The following TAFA1 variants were observed in gnomAD, a reference collection of about 807,000 sequenced individuals.
The protein encoded by TAFA1 is TAFA chemokine like family member 1.
A neutral mutation model predicts 18.5 loss-of-function variants in TAFA1; 4 were observed. That is an observed-to-expected ratio of 0.22 (90% CI 0.11 to 0.49). TAFA1 has a LOEUF of 0.49. Ranked by LOEUF, TAFA1 falls within the 20% of genes least tolerant of loss-of-function variation. The probability of loss-of-function intolerance (pLI) is 0.98; values close to 1 mark genes in which losing one functional copy is unlikely to be tolerated. For missense variants in TAFA1, 147 were observed against 169.0 expected, an observed-to-expected ratio of 0.87 and a Z score of 0.72; for synonymous variants, 56 against 55.2, an observed-to-expected ratio of 1.01 and a Z score of -0.06.
chr3:68,058,283 G>T (rs949264163), intron 2 of TAFA1, among the ~76,000 whole-genome samples: 2 of 152,188 alleles, frequency 1.3e-5, no homozygotes, highest in Non-Finnish European at 2.9e-5. Flanking sequence ...ATCTTATATT[G>T]TTGTTATAAG....
At chr3:68,076,465 AC>A (rs1250494901) in intron 2 of TAFA1, among the ~76,000 whole-genome samples, 1 of 24,010 alleles carries the variant, frequency 4.2e-5, no homozygotes, top group East Asian at 1.6e-3. Flanking sequence ...CCCTCCCCCC[AC>A]CCCCCACCAG....
At chr3:67,999,125 T>G in the TAFA1 span, among the ~76,000 whole-genome samples, 1 of 152,220 alleles carries the variant, frequency 6.6e-6, no homozygotes, top group Non-Finnish European at 1.5e-5. Flanking sequence ...AAATAGTTTC[T>G]TGGTTGCACT....
chr3:68,073,997 A>T lies in TAFA1; in HGVS notation c.118+67253A>T, dbSNP rs2064791617. 2.0e-5 allele frequency among the ~76,000 whole-genome samples: 3 copies of T among 152,154 alleles called. No individual in the cohort carries two copies. In the South Asian group the frequency reaches 6.2e-4, roughly 32 times the overall value. ...TATTATTACATTATAATGTATAATG[A>T]ATAATTATTAACTCACCATAATGTG... On this transcript the variant is annotated intron_variant, in intron 2 of 4. Coordinates refer to ENST00000478136, the MANE Select transcript of TAFA1 (RefSeq NM_213609.4).
At chr3:68,487,189 C>G (rs1456480143) in intron 3 of TAFA1, among the ~76,000 whole-genome samples, 1 of 152,158 alleles carries the variant, frequency 6.6e-6, no homozygotes, top group East Asian at 1.9e-4. Flanking sequence ...ATTATAATGT[C>G]AGGGAAGCTT....
chr3:68,440,200 G>T (rs1201516038), intron 3 of TAFA1, among the ~76,000 whole-genome samples: 1 of 152,090 alleles, frequency 6.6e-6, no homozygotes, highest in Non-Finnish European at 1.5e-5. Flanking sequence ...TTTAAAAACA[G>T]AAGTTTCCCT....
At chr3:68,524,781 C>T (rs1203623465) in intron 3 of TAFA1, among the ~76,000 whole-genome samples, 1 of 152,096 alleles carries the variant, frequency 6.6e-6, no homozygotes, top group African/African-American at 2.4e-5. Flanking sequence ...CACCATTCTC[C>T]TGCCTCAGCC....
At chr3:68,295,904 T>A (rs916296825) in intron 2 of TAFA1, among the ~76,000 whole-genome samples, 1 of 152,164 alleles carries the variant, frequency 6.6e-6, no homozygotes, top group Admixed American at 6.6e-5. Flanking sequence ...GCCTTCTGAG[T>A]AGCTGAGACC....
chr3:68,117,291 T>A (rs2065336010), intron 2 of TAFA1, among the ~76,000 whole-genome samples: 2 of 152,170 alleles, frequency 1.3e-5, no homozygotes, highest in African/African-American at 4.8e-5. Context: ...GCAAAACTTC[T>A]CAGGAGCACA....
chr3:68,037,562 A>G (rs1705078740), intron 2 of TAFA1, among the ~76,000 whole-genome samples: 1 of 152,202 alleles, frequency 6.6e-6, no homozygotes, highest in Non-Finnish European at 1.5e-5. Context: ...TTTACTCAAT[A>G]AAGTAGGCAA....
At chr3:68,511,686 A>T (rs2072848134) in intron 3 of TAFA1, among the ~76,000 whole-genome samples, 4 of 152,026 alleles carry the variant, frequency 2.6e-5, no homozygotes, top group Admixed American at 6.6e-5. Flanking sequence ...ATGATAGTTG[A>T]ATGTTTTCCT....
At chr3:68,252,088 T>C (rs2067207238) in intron 2 of TAFA1, among the ~76,000 whole-genome samples, 1 of 152,198 alleles carries the variant, frequency 6.6e-6, no homozygotes. Context: ...CTTTGAGATC[T>C]CTTCACTCAT....
intron 2 of TAFA1, among the ~76,000 whole-genome samples, chr3:68,317,151 C>T (rs971477780): frequency 2.0e-5 from 3 of 152,106 alleles, no homozygotes; most frequent in Admixed American, 6.6e-5. Context: ...AAAAGAGTTC[C>T]AATGCGTCAT....
At chr3:68,441,916 C>G (rs1262976829) in intron 3 of TAFA1, among the ~76,000 whole-genome samples, 4 of 152,178 alleles carry the variant, frequency 2.6e-5, no homozygotes, top group African/African-American at 7.2e-5. Flanking sequence ...GTGGGCAGAA[C>G]TTTGAGCAGT....
intron 3 of TAFA1, among the ~76,000 whole-genome samples, chr3:68,419,195 C>T (rs1229631126): frequency 6.6e-6 from 1 of 152,086 alleles, no homozygotes; most frequent in African/African-American, 2.4e-5. Context: ...TTTTTATTTC[C>T]ACAATATCCT....
At chr3:68,533,853 TG>T (rs1301413528) in intron 3 of TAFA1, among the ~76,000 whole-genome samples, 9 of 152,134 alleles carry the variant, frequency 5.9e-5, no homozygotes, top group Admixed American at 4.6e-4. Flanking sequence ...CTTTTCCCTT[TG>T]GCATAGTGAG....
At chr3:68,088,392 A>G (rs376706052) in intron 2 of TAFA1, among the ~76,000 whole-genome samples, 1 of 152,170 alleles carries the variant, frequency 6.6e-6, no homozygotes, top group Non-Finnish European at 1.5e-5. Context: ...AGGTGGAAAC[A>G]GTGTGACATC....
rs181006361 is a variant in TAFA1, at chr3:68,421,989, G to A, written c.259+4569G>A. Among the ~76,000 whole-genome samples the A allele has an allele frequency of 2.5e-3, 385 of 152,138 alleles. 3 individuals are homozygous for A. Among genetic ancestry groups the A allele is most frequent in the African/African-American group, 8.3e-3 (344 of 41,528 alleles). On this transcript the variant is annotated intron_variant, in intron 3 of 4. Coordinates refer to ENST00000478136, the MANE Select transcript of TAFA1 (RefSeq NM_213609.4). ...TAATAGGAATTTTGAAAATTTCAGA[G>A]ATACATCCATGCACTAAAATCACCC...
At chr3:68,051,588 C>T (rs908940968) in intron 2 of TAFA1, among the ~76,000 whole-genome samples, 11 of 152,010 alleles carry the variant, frequency 7.2e-5, no homozygotes, top group Admixed American at 4.6e-4. Context: ...TTACCTGGCT[C>T]GAAATGACAT....
rs551847256 is a variant in TAFA1 at position 68,525,293 on chromosome 3, A to G, written c.260-13463A>G. Among the ~76,000 whole-genome samples the G allele has an allele frequency of 4.3e-4, 66 of 152,300 alleles. 2 individuals are homozygous for G. In the South Asian group the frequency reaches 0.014, roughly 32 times the overall value. On this transcript the variant is annotated intron_variant, in intron 3 of 4. Transcript: ENST00000478136. The stretch of plus-strand genomic sequence containing the variant: ...TTCATTCTGGTTTAGCGGGTTTGAT[A>G]TTAGTGAAATTACATATTTCAAAAT...
Sources: gnomAD v4.1 joint callset for allele counts (sites outside exome capture counted in the v4.1 genomes callset) on GRCh38, gnomAD v4.1.1 for gene constraint, MANE v1.5 for transcripts, NCBI Gene and HGNC (gene_info 2026-07-23, HGNC 2026-07-21) for gene names.